The following ADAMTS17 variants were observed in gnomAD, a reference collection of about 807,000 sequenced individuals.
The protein encoded by ADAMTS17 is ADAM metallopeptidase with thrombospondin type 1 motif 17.
A neutral mutation model predicts 141.5 loss-of-function variants in ADAMTS17; 113 were observed. The ratio of observed to expected loss-of-function variants is 0.80; its 90% confidence interval spans 0.69 to 0.93. The LOEUF (loss-of-function observed/expected upper bound fraction) is 0.93, where lower values mean the gene tolerates loss of function less well. Ranked by LOEUF, ADAMTS17 falls within the 40% of genes least tolerant of loss-of-function variation. The pLI is 0.00. For synonymous variants in ADAMTS17, 768 were observed against 630.6 expected, an observed-to-expected ratio of 1.22 and a Z score of -3.27; for missense variants, 1,659 against 1,517.9, an observed-to-expected ratio of 1.09 and a Z score of -1.54.
At chr15:100,088,370 T>G (rs2035239725) in intron 15 of ADAMTS17, among the ~76,000 whole-genome samples, 1 of 152,172 alleles carries the variant, frequency 6.6e-6, no homozygotes, top group Non-Finnish European at 1.5e-5. Flanking sequence ...CATTCCATGC[T>G]CATGGGTAGG....
At position 100,011,351 on chromosome 15, in the gene ADAMTS17, G is replaced by A. The variant is rs1294641956; in HGVS notation, c.2592-13762C>T. On this transcript the variant is annotated intron_variant, in intron 18 of 21. Coordinates refer to ENST00000268070, the MANE Select transcript of ADAMTS17 (RefSeq NM_139057.4). ...AGGGAGGGAGGGAAGGAAAGGAGGA[G>A]GGACGGGAGGGAGAGAAGGAAAGGC... Among the ~76,000 whole-genome samples the A allele has an allele frequency of 1.3e-3, 11 of 8,484 alleles. No individual in the cohort carries two copies. The South Asian group carries it at 0.014, about 11-fold the overall frequency. The allele number at this position is 8,484 out of a possible 152,430, so 5.6% of individuals were successfully genotyped here. A position where few individuals can be genotyped will look rare whatever the true frequency, so the allele number is the denominator to read the frequency against.
intron 18 of ADAMTS17, among the ~76,000 whole-genome samples, chr15:100,002,475 A>G (rs1355220748): frequency 2.0e-5 from 3 of 152,020 alleles, no homozygotes; most frequent in Non-Finnish European, 4.4e-5. Context: ...TGGTTGACAC[A>G]GAGGCCACAT....
intron 20 of ADAMTS17, among the ~76,000 whole-genome samples, chr15:99,991,565 T>G (rs915982462): frequency 6.6e-6 from 1 of 152,218 alleles, no homozygotes; most frequent in Non-Finnish European, 1.5e-5. Flanking sequence ...GCTTTTACAC[T>G]GTTCATGGGG....
intron 18 of ADAMTS17, among the ~76,000 whole-genome samples, chr15:100,023,432 C>T (rs2573578): frequency 0.11 from 16,375 of 151,970 alleles, 2,333 homozygotes; most frequent in African/African-American, 0.33. Context: ...CTCGAACCTC[C>T]TGACCTTAGG....
intron 12 of ADAMTS17, chr15:100,129,656 T>A: frequency 6.6e-6 from 1 of 152,042 alleles, no homozygotes; most frequent in South Asian, 2.1e-4. Flanking sequence ...GGCAGGAGAA[T>A]CGCTTGAACC....
chr15:100,162,543 A>G lies in ADAMTS17; in HGVS notation c.1182-7223T>C, dbSNP rs200293365. Among the ~76,000 whole-genome samples the G allele has an allele frequency of 2.2e-3, 82 of 37,578 alleles. 1 individual carries two copies. The highest frequency in any genetic ancestry group is 9.2e-3 in the African/African-American group (80 of 8,652). The allele number at this position is 37,578 out of a possible 152,430, so 24.7% of individuals were successfully genotyped here. A position where few individuals can be genotyped will look rare whatever the true frequency, so the allele number is the denominator to read the frequency against. ...ATGCACATATACACATTATATGTGT[A>G]TATATATGCACATATACACATTATA... On this transcript the variant is annotated intron_variant, in intron 8 of 21. Coordinates refer to ENST00000268070, the MANE Select transcript of ADAMTS17 (RefSeq NM_139057.4).
At chr15:100,225,563 C>G (rs893315778) in intron 7 of ADAMTS17, among the ~76,000 whole-genome samples, 1 of 141,174 alleles carries the variant, frequency 7.1e-6, no homozygotes, top group African/African-American at 2.5e-5. Flanking sequence ...GGTCTCTGTG[C>G]CATTCAGTCC....
At chr15:100,029,017 G>A (rs769660124) in intron 18 of ADAMTS17, among the ~76,000 whole-genome samples, 30 of 152,308 alleles carry the variant, frequency 2.0e-4, no homozygotes, top group South Asian at 4.1e-4. Context: ...TGTCTGGCCC[G>A]AGCTGCCTGC....
chr15:100,027,682 T>C (rs146359310), intron 18 of ADAMTS17, among the ~76,000 whole-genome samples: 1 of 152,372 alleles, frequency 6.6e-6, no homozygotes, highest in African/African-American at 2.4e-5. Context: ...CTGGAAAAGT[T>C]TGCTGATTCC....
At chr15:100,139,910 T>C (rs1248224390) in intron 10 of ADAMTS17, among the ~76,000 whole-genome samples, 1 of 152,230 alleles carries the variant, frequency 6.6e-6, no homozygotes, top group Non-Finnish European at 1.5e-5. Flanking sequence ...GAAATCTAAA[T>C]GTATTTTACC....
chr15:99,980,780 G>T (rs1400379009), intron 20 of ADAMTS17: 1 of 152,264 alleles, frequency 6.6e-6, no homozygotes, highest in African/African-American at 2.4e-5. Flanking sequence ...CATTGGCAAG[G>T]TTTCTGCCTG....
chr15:100,269,824 G>C lies in ADAMTS17; in HGVS notation c.790-7389C>G, dbSNP rs78038112. Reference sequence around the variant, plus strand: ...TCCCTCCAAACTTTCCCCAAACTCTGAGCTTGGAGACTCGGTCTTCATTTT... The same window carrying C: ...TCCCTCCAAACTTTCCCCAAACTCTCAGCTTGGAGACTCGGTCTTCATTTT... On this transcript the variant is annotated intron_variant, in intron 4 of 21. Coordinates refer to ENST00000268070, the MANE Select transcript of ADAMTS17 (RefSeq NM_139057.4). Among the ~76,000 whole-genome samples the C allele has an allele frequency of 5.4e-3, 825 of 152,210 alleles. 15 individuals are homozygous for C. The East Asian group carries it at 0.068, about 13-fold the overall frequency.
intron 18 of ADAMTS17, among the ~76,000 whole-genome samples, chr15:100,005,212 G>C (rs1026196194): frequency 6.6e-6 from 1 of 152,198 alleles, no homozygotes; most frequent in Non-Finnish European, 1.5e-5. Context: ...AGATGCCTCA[G>C]GCAGCTCAGT....
At chr15:100,250,414 G>C (rs999534797) in intron 7 of ADAMTS17, among the ~76,000 whole-genome samples, 31 of 152,154 alleles carry the variant, frequency 2.0e-4, no homozygotes, top group African/African-American at 6.8e-4. Flanking sequence ...GCATTGGCAA[G>C]CATGCATCTA....
At position 100,152,690 on chromosome 15, in the gene ADAMTS17, C is replaced by T; in HGVS notation, c.1395G>A (p.Leu465=). 6.2e-7 allele frequency: 1 copy of T among 1,614,224 alleles called. No individual in the cohort carries two copies. Among genetic ancestry groups the T allele is most frequent in the South Asian group, 1.1e-5 (1 of 91,084 alleles). The change falls in exon 10 of 22, where the codon CTG becomes CTA. Residue 465 remains leucine, a synonymous_variant. Transcript: ENST00000268070. The part of the protein sequence containing the change: ...SQHTVRLPHK[L]PGMHYSANEQ... ...CGTTGGCACTGTAGTGCATGCCCGGCAGCTTGTGCGGGAGGCGTACTGTGT... is the reference window on the plus strand; with the variant it reads ...CGTTGGCACTGTAGTGCATGCCCGGTAGCTTGTGCGGGAGGCGTACTGTGT...
At chr15:100,331,088 T>C (rs369587998) in intron 2 of ADAMTS17, 34 bp from the exon 3 acceptor site, 2 of 1,613,206 alleles carry the variant, frequency 1.2e-6, no homozygotes, top group Non-Finnish European at 1.7e-6. Flanking sequence ...GCGATGTCGG[T>C]CATCCTCACT....
rs73475427 is a variant in ADAMTS17, at chr15:100,188,685, A to G, written c.1181+10633T>C. Among the ~76,000 whole-genome samples the G allele has an allele frequency of 8.5e-3, 1,299 of 152,310 alleles. 24 individuals are homozygous for G. Among genetic ancestry groups the G allele is most frequent in the African/African-American group, 0.03 (1,256 of 41,568 alleles). Reference sequence around the variant, plus strand: ...GAGTGAGGTCTCTTTGACAGGTAGGATCAGTGGTGGCTGTACCAAGCACAC... The same window carrying G: ...GAGTGAGGTCTCTTTGACAGGTAGGGTCAGTGGTGGCTGTACCAAGCACAC... On this transcript the variant is annotated intron_variant, in intron 8 of 21. Transcript: ENST00000268070.
At chr15:100,174,718 T>G (rs1463471117) in intron 8 of ADAMTS17, among the ~76,000 whole-genome samples, 1 of 152,192 alleles carries the variant, frequency 6.6e-6, no homozygotes, top group Non-Finnish European at 1.5e-5. Context: ...ACACAACTTG[T>G]CCTCAAACCC....
chr15:100,016,415 G>A (rs1481486243), intron 18 of ADAMTS17, among the ~76,000 whole-genome samples: 3 of 152,214 alleles, frequency 2.0e-5, no homozygotes, highest in Admixed American at 6.5e-5. Flanking sequence ...ACAAGTGTGA[G>A]TTTTTTGGGG....
Sources: gnomAD v4.1 joint callset for allele counts (sites outside exome capture counted in the v4.1 genomes callset) on GRCh38, gnomAD v4.1.1 for gene constraint, MANE v1.5 for transcripts, NCBI Gene and HGNC (gene_info 2026-07-23, HGNC 2026-07-21) for gene names.